PCDH15: variants seen among roughly 807,000 people sequenced by gnomAD.
PCDH15 encodes protocadherin related 15.
PCDH15 carries 129 observed loss-of-function variants against 178.5 expected under a neutral mutation model. The ratio of observed to expected loss-of-function variants is 0.72; its 90% CI spans 0.63 to 0.84. The LOEUF (loss-of-function observed/expected upper bound fraction) is 0.84. PCDH15 is among the 40% of genes least tolerant of loss of function. PCDH15 has a pLI of 0.00. For synonymous variants in PCDH15, 800 were observed against 732.0 expected (o/e 1.09, Z -1.50); for missense variants, 2,230 against 2,099.9 (o/e 1.06, Z -1.21).
At chr10:55,235,131 T>A (rs1270802561) in intron 1 of PCDH15, among the ~76,000 whole-genome samples, 4 of 152,042 alleles carry the variant, frequency 2.6e-5, no homozygotes, top group African/African-American at 9.7e-5. Context: ...TTAAAATATA[T>A]CAATTTCTGC....
At chr10:54,316,983 T>G (rs1290227938) in intron 8 of PCDH15, among the ~76,000 whole-genome samples, 1 of 152,138 alleles carries the variant, frequency 6.6e-6, no homozygotes, top group Admixed American at 6.6e-5. Context: ...TTGGAGTTTT[T>G]CAGAATGGCT....
intron 2 of PCDH15, among the ~76,000 whole-genome samples, chr10:54,610,337 C>T (rs2092920033): frequency 1.3e-5 from 2 of 151,864 alleles, no homozygotes; most frequent in Non-Finnish European, 2.9e-5. Context: ...TTGTTTAGTA[C>T]AAGGCACTGT....
chr10:53,937,493 T>C (rs538538419), intron 25 of PCDH15, among the ~76,000 whole-genome samples: 8 of 152,170 alleles, frequency 5.3e-5, no homozygotes, highest in Non-Finnish European at 1.2e-4. Context: ...AGTTTAAAGA[T>C]TTTAGAAACT....
At position 54,528,477 on chromosome 10, in the gene PCDH15, T is replaced by C. The variant is rs886897157; in HGVS notation, c.92-600A>G. On this transcript the variant is annotated intron_variant, in intron 2 of 37. Transcript: ENST00000644397. Reference sequence around the variant, plus strand: ...AAGAAAGAAAGGAAGAGAGAATATATGTATATATTTAGTGAGAGATTTAAG... The same window carrying C: ...AAGAAAGAAAGGAAGAGAGAATATACGTATATATTTAGTGAGAGATTTAAG... 6.1e-6 allele frequency: 7 copies of C among 1,139,718 alleles called. 1 individual carries two copies. The highest frequency in any genetic ancestry group is 4.3e-5 in the South Asian group (3 of 69,618). The allele number at this position is 1,139,718 out of a possible 1,614,324, so 70.6% of individuals were successfully genotyped here. A position where few individuals can be genotyped will look rare whatever the true frequency, so the allele number is the denominator to read the frequency against.
At chr10:53,826,761 G>A (rs1216349910) in intron 32 of PCDH15, among the ~76,000 whole-genome samples, 2 of 152,054 alleles carry the variant, frequency 1.3e-5, no homozygotes, top group African/African-American at 4.8e-5. Context: ...TCGTGCAGGA[G>A]AAATATTCGG....
intron 1 of PCDH15, among the ~76,000 whole-genome samples, chr10:54,730,864 T>A (rs1943236428): frequency 6.6e-6 from 1 of 151,330 alleles, no homozygotes; most frequent in Non-Finnish European, 1.5e-5. Flanking sequence ...TCTTTGTGTG[T>A]GTAATATCTC....
chr10:54,483,234 G>A (rs1273779664), intron 3 of PCDH15, among the ~76,000 whole-genome samples: 1 of 151,822 alleles, frequency 6.6e-6, no homozygotes, highest in Admixed American at 6.6e-5. Context: ...CAACATTAGA[G>A]GGGTCATATT....
At chr10:54,946,260 G>C (rs553367962) in intron 2 of PCDH15, among the ~76,000 whole-genome samples, 2 of 151,650 alleles carry the variant, frequency 1.3e-5, no homozygotes, top group South Asian at 4.1e-4. Flanking sequence ...TGATGACACC[G>C]GTTGTTCACT....
At chr10:54,032,396 C>T (rs2093318685) in intron 18 of PCDH15, among the ~76,000 whole-genome samples, 1 of 151,832 alleles carries the variant, frequency 6.6e-6, no homozygotes, top group South Asian at 2.1e-4. Flanking sequence ...GACAGGATGG[C>T]TTATTTATAT....
intron 2 of PCDH15, among the ~76,000 whole-genome samples, chr10:54,636,719 T>C (rs888822504): frequency 1.3e-5 from 2 of 151,996 alleles, no homozygotes; most frequent in Non-Finnish European, 2.9e-5. Flanking sequence ...GTCAGCTTTC[T>C]AGAGCTAATG....
intron 34 of PCDH15, among the ~76,000 whole-genome samples, chr10:53,817,341 C>T (rs2076096043): frequency 6.6e-6 from 1 of 152,010 alleles, no homozygotes; most frequent in African/African-American, 2.4e-5. Flanking sequence ...AAGTTCTCTG[C>T]AGACAGAATC....
chr10:55,591,744 T>A (rs1330503244), intron 2 of PCDH15, among the ~76,000 whole-genome samples: 1 of 152,114 alleles, frequency 6.6e-6, no homozygotes. Flanking sequence ...GCTGTCAAAC[T>A]GCACTGTGTG....
intron 3 of PCDH15, among the ~76,000 whole-genome samples, chr10:54,383,613 C>T (rs112106978): frequency 0.023 from 2,614 of 111,388 alleles, 61 homozygotes; most frequent in Non-Finnish European, 0.029. Flanking sequence ...GCATACCATG[C>T]CGTGTATGTG....
intron 14 of PCDH15, among the ~76,000 whole-genome samples, chr10:54,138,767 T>A (rs2043112937): frequency 6.6e-6 from 1 of 152,198 alleles, no homozygotes; most frequent in African/African-American, 2.4e-5. Context: ...GATTACCTAC[T>A]GAGGTCAAGA....
rs551262159 is a variant in PCDH15, at chr10:54,228,226, C to T, written c.985+8597G>A. ...AAAGAAAAAGGTTTAATTGGACTTACAGTTCCACGTGGCTGAGGAAGCTTT... is the reference window on the plus strand; with the variant it reads ...AAAGAAAAAGGTTTAATTGGACTTATAGTTCCACGTGGCTGAGGAAGCTTT... On this transcript the variant is annotated intron_variant, in intron 9 of 37. Coordinates refer to ENST00000644397, the MANE Select transcript of PCDH15 (RefSeq NM_001384140.1). Among the ~76,000 whole-genome samples the T allele has an allele frequency of 7.9e-4, 120 of 152,288 alleles. 1 individual carries two copies. The highest frequency in any genetic ancestry group is 2.7e-3 in the African/African-American group (113 of 41,566).
At chr10:53,981,056 A>G (rs1203239023) in intron 21 of PCDH15, among the ~76,000 whole-genome samples, 1 of 152,238 alleles carries the variant, frequency 6.6e-6, no homozygotes, top group Non-Finnish European at 1.5e-5. Flanking sequence ...CTGTATTAAC[A>G]TGAATAACAC....
Position 55,170,679 on chromosome 10 carries a change from C to T in PCDH15, c.-155-4028G>A, listed in dbSNP as rs533260154. Among the ~76,000 whole-genome samples the T allele has an allele frequency of 4.1e-3, 617 of 152,076 alleles. 3 individuals carry two copies. The highest frequency in any genetic ancestry group is 0.015 in the South Asian group (72 of 4,822). On this transcript the variant is annotated intron_variant, in intron 1 of 5. Coordinates refer to the PCDH15 transcript ENST00000458638. Reference sequence around the variant, plus strand: ...TGGGTGGATCACGAGGTCAGGAGTTCGAGACTAGCCTGACCAACATGGTGA... The same window carrying T: ...TGGGTGGATCACGAGGTCAGGAGTTTGAGACTAGCCTGACCAACATGGTGA...
intron 28 of PCDH15, 21 bp from the exon 29 acceptor site, chr10:53,840,517 A>T (rs756156049): frequency 1.9e-6 from 3 of 1,607,300 alleles, no homozygotes; most frequent in Non-Finnish European, 2.6e-6. Flanking sequence ...AACAAAGTAC[A>T]AACATGACAG....
At chr10:54,042,688 A>G (rs1175676151) in intron 18 of PCDH15, among the ~76,000 whole-genome samples, 5 of 152,242 alleles carry the variant, frequency 3.3e-5, no homozygotes, top group Middle Eastern at 6.8e-3. Context: ...ATGTGGAGAT[A>G]TGAAGGCTAT....
Sources: gnomAD v4.1 joint callset for allele counts (sites outside exome capture counted in the v4.1 genomes callset) on GRCh38, gnomAD v4.1.1 for gene constraint, MANE v1.5 for transcripts, NCBI Gene and HGNC (gene_info 2026-07-23, HGNC 2026-07-21) for gene names.